Variants in TARBP2 observed in about 807,000 individuals in gnomAD.
The protein encoded by TARBP2 is TARBP2 subunit of RISC loading complex, also known as RISC-loading complex subunit TARBP2.
A neutral mutation model predicts 40.4 loss-of-function variants in TARBP2; 23 were observed. The ratio of observed to expected loss-of-function variants is 0.57; its 90% CI spans 0.41 to 0.81. The LOEUF (loss-of-function observed/expected upper bound fraction) is 0.81, where lower values mean the gene tolerates loss of function less well. TARBP2 is among the 30% of genes least tolerant of loss of function. The pLI is 0.00. For missense variants in TARBP2, 358 were observed against 473.7 expected (o/e 0.76, Z 2.27); for synonymous variants, 183 against 190.5 (o/e 0.96, Z 0.32).
chr12:53,506,261 C>T lies in TARBP2; in HGVS notation c.*113C>T, dbSNP rs1943982846. The T allele has an allele frequency of 7.5e-7, 1 of 1,337,252 alleles. No individual in the cohort carries two copies. The highest frequency in any genetic ancestry group is 1.0e-6 in the Non-Finnish European group (1 of 993,968). The allele number at this position is 1,337,252 out of a possible 1,614,324, so 82.8% of individuals were successfully genotyped here. Reference sequence around the variant, plus strand: ...CTGTGGGTGCCATCTCTACCTCTGACACAGACTGCCTGCCTTGAAGCTGAG... The same window carrying T: ...CTGTGGGTGCCATCTCTACCTCTGATACAGACTGCCTGCCTTGAAGCTGAG... On this transcript the variant is annotated 3_prime_UTR_variant, in exon 9 of 9. Transcript: ENST00000266987.
chr12:53,504,053 A>G (rs1284133830), intron 4 of TARBP2: 4 of 586,620 alleles, frequency 6.8e-6, no homozygotes, highest in Non-Finnish European at 1.2e-5. Flanking sequence ...TGCAGGCCCC[A>G]TTTTCTTCTG....
chr12:53,504,875 C>T lies in TARBP2; in HGVS notation c.613+60C>T, dbSNP rs1943897038. ...TCCCGCAGCACTCTGGCCCCAGCCA[C>T]AAAGCAGCTCCTGGCCTCACTCTGC... On this transcript the variant is annotated intron_variant, in intron 6 of 8. Coordinates refer to ENST00000266987, the MANE Select transcript of TARBP2 (RefSeq NM_134323.2). The T allele has an allele frequency of 3.1e-6, 5 of 1,588,118 alleles. No individual in the cohort carries two copies. The South Asian group carries it at 4.5e-5, about 14-fold the overall frequency.
Position 53,504,940 on chromosome 12 carries a change from G to A in TARBP2, c.613+125G>A, listed in dbSNP as rs1185826721. The A allele has an allele frequency of 4.2e-6, 6 of 1,434,074 alleles. No homozygotes were observed. The South Asian group carries it at 7.9e-5, about 19-fold the overall frequency. 88.8% of individuals were successfully genotyped at this position (1,434,074 alleles called of 1,614,324 possible). A position where few individuals can be genotyped will look rare whatever the true frequency, so the allele number is the denominator to read the frequency against. On this transcript the variant is annotated intron_variant, in intron 6 of 8. Coordinates refer to ENST00000266987, the MANE Select transcript of TARBP2 (RefSeq NM_134323.2). ...TCTTAGCTTCACAGTCCCTAGCTCA[G>A]CCCCTTCCTTTTAGCTTCTTGGCAC...
intron 1 of TARBP2, 180 bp from the exon 2 acceptor site, chr12:53,501,835 T>C (rs1260008798): frequency 2.3e-6 from 3 of 1,291,678 alleles, no homozygotes; most frequent in Non-Finnish European, 1.0e-6. Flanking sequence ...TGCTTTGGGG[T>C]AGTGGGCCCT....
At position 53,501,302 on chromosome 12, in the gene TARBP2, C is replaced by T; in HGVS notation, c.-107C>T. 2 of 1,309,834 alleles carry T rather than the reference C, an allele frequency of 1.5e-6. No individual in the cohort carries two copies. Among genetic ancestry groups the T allele is most frequent in the Non-Finnish European group, 1.1e-6 (1 of 945,570 alleles). 81.1% of individuals were successfully genotyped at this position (1,309,834 alleles called of 1,614,324 possible). A position where few individuals can be genotyped will look rare whatever the true frequency, so the allele number is the denominator to read the frequency against. On this transcript the variant is annotated 5_prime_UTR_variant, in exon 1 of 9. Coordinates refer to ENST00000266987, the MANE Select transcript of TARBP2 (RefSeq NM_134323.2). ...TATCCCAGCGTGCCCCGCGGCGGGCCCTACCGGCCGCGACTCCGGGCTTGG... is the reference window on the plus strand; with the variant it reads ...TATCCCAGCGTGCCCCGCGGCGGGCTCTACCGGCCGCGACTCCGGGCTTGG...
In TARBP2 at chr12:53,506,023, C is replaced by G; in HGVS notation, c.976C>G (p.Leu326Val). ...GAGCCTGAGTGGACTCTGCCAGTGC[C>G]TGGTGGAACTGTCCACCCAGCCGGC... is the stretch of plus-strand genomic sequence containing the variant. ...ELSLSGLCQC[L>V]VELSTQPATV... Residue 326 changes from leucine (L) to valine (V), a missense_variant, in exon 9 of 9, where the codon CTG (leucine) becomes GTG (valine). Leu to Val is a conservative substitution (Grantham distance 32). Around this residue, in one of 3 missense-constraint regions of TARBP2, gnomAD observed 317 missense variants for 422.9 expected, o/e 0.75. Transcript: ENST00000266987. 1 of 1,614,136 alleles carries G rather than the reference C, an allele frequency of 6.2e-7. No individual in the cohort carries two copies. Among genetic ancestry groups the G allele is most frequent in the Non-Finnish European group, 8.5e-7 (1 of 1,180,020 alleles).
In TARBP2 at chr12:53,505,848, T is replaced by C; in HGVS notation, c.941T>C (p.Ile314Thr). ...GCCTTTCACGTCAGCTACCTGGATA[T>C]TGGTATGGCTAGCTGGGGAGCGAGC... ...EQAFHVSYLDIEELSLSGLCQ... is the reference protein window; with the variant it reads ...EQAFHVSYLDTEELSLSGLCQ... The change falls in exon 8 of 9, where the codon ATT (isoleucine) becomes ACT (threonine). Residue 314 changes from isoleucine (I) to threonine (T), a missense_variant and splice_region_variant. By Grantham distance (89) the Ile-to-Thr change is moderately conservative. Around this residue, in one of 3 missense-constraint regions of TARBP2, gnomAD observed 317 missense variants for 422.9 expected, o/e 0.75. Coordinates refer to ENST00000266987, the MANE Select transcript of TARBP2 (RefSeq NM_134323.2). This position sits in a 1 kb window ranked among gnomAD's most constrained non-coding sequence, Gnocchi z 4.5. 1.9e-6 allele frequency: 3 copies of C among 1,613,352 alleles called. No individual in the cohort carries two copies. Among genetic ancestry groups the C allele is most frequent in the Non-Finnish European group, 2.5e-6 (3 of 1,179,568 alleles).
intron 2 of TARBP2, 103 bp downstream of exon 2, chr12:53,502,287 T>A: frequency 7.1e-7 from 1 of 1,414,484 alleles, no homozygotes; most frequent in African/African-American, 1.4e-5. Context: ...CCAAGGCCAG[T>A]GAGGGAAGGA....
upstream of TARBP2, chr12:53,501,037 C>A (rs941994049): frequency 3.8e-6 from 1 of 262,478 alleles, no homozygotes. Context: ...AGCGGCTTCC[C>A]CTCCGCTAGT....
chr12:53,501,954 T>C (rs1943732631), intron 1 of TARBP2, 61 bp from the exon 2 acceptor site: 2 of 1,598,566 alleles, frequency 1.3e-6, no homozygotes. Flanking sequence ...GGTATGGAAG[T>C]GCTTGGCTAG....
intron 6 of TARBP2, 151 bp downstream of exon 6, chr12:53,504,966 C>T: frequency 7.0e-7 from 1 of 1,429,556 alleles, no homozygotes; most frequent in Non-Finnish European, 9.6e-7. Flanking sequence ...TTCTTGGCAC[C>T]CTATTTGTCC....
At position 53,506,254 on chromosome 12, in the gene TARBP2, C is replaced by T. The variant is rs1425362598; in HGVS notation, c.*106C>T. ...GTACCCTCTGTGGGTGCCATCTCTACCTCTGACACAGACTGCCTGCCTTGA... is the reference window on the plus strand; with the variant it reads ...GTACCCTCTGTGGGTGCCATCTCTATCTCTGACACAGACTGCCTGCCTTGA... On this transcript the variant is annotated 3_prime_UTR_variant, in exon 9 of 9. Transcript: ENST00000266987. 2.1e-5 allele frequency: 29 copies of T among 1,386,554 alleles called. No individual in the cohort carries two copies. Among genetic ancestry groups the T allele is most frequent in the Non-Finnish European group, 2.8e-5 (29 of 1,034,474 alleles). 85.9% of individuals were successfully genotyped at this position (1,386,554 alleles called of 1,614,324 possible).
chr12:53,502,410 A>T (rs1943756273), intron 2 of TARBP2: 1 of 578,272 alleles, frequency 1.7e-6, no homozygotes, highest in Non-Finnish European at 3.0e-6. Context: ...GATCTGGCAG[A>T]TCCCCATCAC....
intron 1 of TARBP2, chr12:53,501,766 T>C (rs571675955): frequency 4.4e-5 from 62 of 1,401,166 alleles, no homozygotes; most frequent in East Asian, 2.8e-4. Flanking sequence ...TCAACCTGCA[T>C]TGGGGCACAG....
chr12:53,505,602 T>G lies in TARBP2; in HGVS notation c.742-47T>G. ...GACGTTGAATGTCTCAATGCCTGGG[T>G]CCCACAGTCTCTCGCTTCATCTTTC... is the stretch of plus-strand genomic sequence containing the variant. On this transcript the variant is annotated intron_variant, in intron 7 of 8. Coordinates refer to ENST00000266987, the MANE Select transcript of TARBP2 (RefSeq NM_134323.2). The surrounding 1 kb of genome is among the most constrained non-coding windows in gnomAD (Gnocchi z 4.5). 6.4e-7 allele frequency: 1 copy of G among 1,554,080 alleles called. No individual in the cohort carries two copies. Among genetic ancestry groups the G allele is most frequent in the Non-Finnish European group, 8.9e-7 (1 of 1,126,636 alleles).
rs1943826247 is a variant in TARBP2 at position 53,503,712 on chromosome 12, GTTCT to G, written c.329_332del (p.Ser110PhefsTer4). 1 of 1,613,414 alleles carries G rather than the reference GTTCT, an allele frequency of 6.2e-7. No homozygotes were observed. Among genetic ancestry groups the G allele is most frequent in the Admixed American group, 1.7e-5 (1 of 59,998 alleles). On this transcript the variant is annotated frameshift_variant and splice_region_variant, in exon 4 of 9. Coordinates refer to ENST00000266987, the MANE Select transcript of TARBP2 (RefSeq NM_134323.2). LOFTEE classifies it high-confidence loss of function. ...TCAAAGGCCCCCTTCCCCTCGGGAA[GTTCT>G]TTTTCTCCCCTAGACTCTTCACTGC...
At chr12:53,501,837 G>A in intron 1 of TARBP2, 178 bp from the exon 2 acceptor site, 1 of 1,309,018 alleles carries the variant, frequency 7.6e-7, no homozygotes, top group Non-Finnish European at 1.0e-6. Flanking sequence ...CTTTGGGGTA[G>A]TGGGCCCTAC....
rs199668545 is a variant in TARBP2 at position 53,504,737 on chromosome 12, A to G, written c.535A>G (p.Thr179Ala). ...GAAAGGCTGGCGGTTGCCGGAGTAC[A>G]CAGTGACCCAGGAGTCTGGGCCAGC... ...VQKGWRLPEY[T>A]VTQESGPAHR... The change falls in exon 6 of 9, where the codon ACA (threonine) becomes GCA (alanine). Residue 179 changes from threonine to alanine, a missense_variant. Coordinates refer to ENST00000266987, the MANE Select transcript of TARBP2 (RefSeq NM_134323.2). 6.2e-7 allele frequency: 1 copy of G among 1,614,122 alleles called. No individual in the cohort carries two copies. Among genetic ancestry groups the G allele is most frequent in the Non-Finnish European group, 8.5e-7 (1 of 1,180,024 alleles).
Position 53,501,322 on chromosome 12 carries a change from GC to G in TARBP2, c.-86del. The G allele has an allele frequency of 6.7e-7, 1 of 1,489,540 alleles. No homozygotes were observed. The highest frequency in any genetic ancestry group is 9.1e-7 in the Non-Finnish European group (1 of 1,098,794). The allele number at this position is 1,489,540 out of a possible 1,614,324, so 92.3% of individuals were successfully genotyped here. Reference sequence around the variant, plus strand: ...CGGGCCCTACCGGCCGCGACTCCGGGCTTGGCCCCGGCCCTAGCTCGTCGGC... The same window carrying G: ...CGGGCCCTACCGGCCGCGACTCCGGGTTGGCCCCGGCCCTAGCTCGTCGGC... On this transcript the variant is annotated 5_prime_UTR_variant, in exon 1 of 9. Coordinates refer to ENST00000266987, the MANE Select transcript of TARBP2 (RefSeq NM_134323.2).
Sources: allele counts gnomAD v4.1 joint callset, GRCh38; gene constraint gnomAD v4.1.1; regional missense constraint gnomAD v4.1.1; non-coding constraint Gnocchi (gnomAD v3.1); transcripts MANE v1.5; gene names NCBI Gene and HGNC (gene_info 2026-07-23, HGNC 2026-07-21).